PPARA: variants seen among roughly 807,000 people sequenced by gnomAD.
PPARA encodes peroxisome proliferator-activated receptor alpha.
A neutral mutation model predicts 42.2 loss-of-function variants in PPARA; 22 were observed. The observed-to-expected ratio is 0.52, with a 90% CI of 0.37 to 0.74. PPARA has a LOEUF of 0.74. PPARA is among the 30% of genes least tolerant of loss of function. The pLI, the probability that PPARA is intolerant of heterozygous loss-of-function variation, is 0.00. For synonymous variants in PPARA, 242 were observed against 239.3 expected (o/e 1.01, Z -0.10); for missense variants, 465 against 608.2 (o/e 0.76, Z 2.48).
Position 46,224,734 on chromosome 22 carries a change from G to A in PPARA, c.711+4720G>A, listed in dbSNP as rs1411693173. Among the ~76,000 whole-genome samples the A allele has an allele frequency of 6.6e-6, 1 of 151,904 alleles. No individual in the cohort carries two copies. The highest frequency in any genetic ancestry group is 2.4e-5 in the African/African-American group (1 of 41,362). ...GCTGTGTGCTGGGGAAGGCAGGCTC[G>A]CCTCCTCCCTGCAGGGGCTGCTGGG... is the stretch of plus-strand genomic sequence containing the variant. On this transcript the variant is annotated intron_variant, in intron 7 of 8. Transcript: ENST00000407236. The surrounding 1 kb of genome is among the most constrained non-coding windows in gnomAD (Gnocchi z 5.7).
intron 2 of PPARA, chr22:46,164,478 C>T (rs1296777866): frequency 6.6e-6 from 1 of 152,244 alleles, no homozygotes; most frequent in East Asian, 1.9e-4. Flanking sequence ...GTCTTGAACT[C>T]CTGACCTCAG....
In PPARA at chr22:46,160,197, T is replaced by C. The variant is rs1925948757; in HGVS notation, c.-127+8227T>C. On this transcript the variant is annotated intron_variant, in intron 2 of 8. Coordinates refer to ENST00000407236, the MANE Select transcript of PPARA (RefSeq NM_005036.6). The surrounding 1 kb of genome is among the most constrained non-coding windows in gnomAD (Gnocchi z 4.5). ...AAAGCTGTAAGTGGAAGCTTTCAAT[T>C]CAGAGCAGTAGCAATGCCTTCAAAG... Among the ~76,000 whole-genome samples the C allele has an allele frequency of 6.6e-6, 1 of 152,190 alleles. No homozygotes were observed. Among genetic ancestry groups the C allele is most frequent in the Non-Finnish European group, 1.5e-5 (1 of 68,026 alleles).
At chr22:46,208,898 T>G (rs2147486411) in intron 4 of PPARA, among the ~76,000 whole-genome samples, 1 of 146,166 alleles carries the variant, frequency 6.8e-6, no homozygotes, top group African/African-American at 2.6e-5. Flanking sequence ...TGAATAGTAT[T>G]CGTGTGTGTG....
At chr22:46,202,589 T>A (rs909728477) in intron 4 of PPARA, among the ~76,000 whole-genome samples, 3 of 152,010 alleles carry the variant, frequency 2.0e-5, no homozygotes, top group Non-Finnish European at 2.9e-5. Context: ...ATAAAAAAAA[T>A]TAGCTGGGCG....
intron 3 of PPARA, among the ~76,000 whole-genome samples, chr22:46,178,757 A>G (rs1036361885): frequency 5.3e-5 from 8 of 152,190 alleles, no homozygotes; most frequent in Admixed American, 2.6e-4. Context: ...ACGCAGGGCC[A>G]GGAACAGTGC....
intron 2 of PPARA, among the ~76,000 whole-genome samples, chr22:46,174,152 T>TA (rs1928552761): frequency 7.0e-6 from 1 of 142,158 alleles, no homozygotes; most frequent in South Asian, 2.2e-4. Context: ...CACTGCAGCC[T>TA]GGCAACAGAG....
rs10643430 is a variant in PPARA at position 46,242,731 on chromosome 22, G to GCGCGCA, written c.*7352_*7353insGCGCAC. ...AAATACACTGCGTACACGTGTGCGT[G>GCGCGCA]CACACACACACACACACACACACAC... On this transcript the variant is annotated 3_prime_UTR_variant, in exon 9 of 9. Coordinates refer to ENST00000407236, the MANE Select transcript of PPARA (RefSeq NM_005036.6). This position sits in a 1 kb window ranked among gnomAD's most constrained non-coding sequence, Gnocchi z 6.1. 1 of 132,700 alleles carries GCGCGCA rather than the reference G, an allele frequency of 7.5e-6. No individual in the cohort carries two copies. The highest frequency in any genetic ancestry group is 1.8e-5 in the Non-Finnish European group (1 of 56,080). 8.2% of individuals were successfully genotyped at this position (132,700 alleles called of 1,614,324 possible).
At position 46,220,205 on chromosome 22, in the gene PPARA, C is replaced by T. The variant is rs529907285; in HGVS notation, c.711+191C>T. The stretch of plus-strand genomic sequence containing the variant: ...CTTAACAACAACTCCTTTCTTCTTG[C>T]TTGGAGCCACCTCAAAGCTCTTAGC... On this transcript the variant is annotated intron_variant, in intron 7 of 8. Coordinates refer to ENST00000407236, the MANE Select transcript of PPARA (RefSeq NM_005036.6). 6 of 717,004 alleles carry T rather than the reference C, an allele frequency of 8.4e-6. No homozygotes were observed. The South Asian group carries it at 9.6e-5, about 11-fold the overall frequency. 44.4% of individuals were successfully genotyped at this position (717,004 alleles called of 1,614,324 possible). A position where few individuals can be genotyped will look rare whatever the true frequency, so the allele number is the denominator to read the frequency against.
chr22:46,163,776 C>T lies in PPARA; in HGVS notation c.-127+11806C>T, dbSNP rs1201388730. On this transcript the variant is annotated intron_variant, in intron 2 of 8. Coordinates refer to ENST00000407236, the MANE Select transcript of PPARA (RefSeq NM_005036.6). The surrounding 1 kb of genome is among the most constrained non-coding windows in gnomAD (Gnocchi z 4.9). ...AAAGCAGGGCTGGCTCCCTGATGTC[C>T]TTGGAGAAGTCGCCCACACTGCTTT... The T allele has an allele frequency of 2.0e-5, 3 of 152,214 alleles. No homozygotes were observed. The highest frequency in any genetic ancestry group is 4.4e-5 in the Non-Finnish European group (3 of 68,052). The allele number at this position is 152,214 out of a possible 1,614,324, so 9.4% of individuals were successfully genotyped here.
rs1221002475 is a variant in PPARA, at chr22:46,240,698, T to G, written c.*5318T>G. On this transcript the variant is annotated 3_prime_UTR_variant, in exon 9 of 9. Transcript: ENST00000407236. The surrounding 1 kb of genome is among the most constrained non-coding windows in gnomAD (Gnocchi z 6.0). The stretch of plus-strand genomic sequence containing the variant: ...AGGAGGTTTGTCTCAACACTTCCCA[T>G]TTTTACGGCATTGGCATTGCCAAGC... 6.4e-6 allele frequency: 1 copy of G among 155,166 alleles called. No homozygotes were observed. The highest frequency in any genetic ancestry group is 1.4e-5 in the Non-Finnish European group (1 of 70,106). The allele number at this position is 155,166 out of a possible 1,614,324, so 9.6% of individuals were successfully genotyped here.
intron 4 of PPARA, among the ~76,000 whole-genome samples, chr22:46,209,148 A>G (rs1380758799): frequency 6.6e-6 from 1 of 152,164 alleles, no homozygotes; most frequent in Non-Finnish European, 1.5e-5. Flanking sequence ...CTTATTTTGC[A>G]TAATGCTATT....
At position 46,232,045 on chromosome 22, in the gene PPARA, C is replaced by T; in HGVS notation, c.965C>T (p.Ser322Phe). 6.2e-7 allele frequency: 1 copy of T among 1,614,202 alleles called. No homozygotes were observed. Among genetic ancestry groups the T allele is most frequent in the South Asian group, 1.1e-5 (1 of 91,092 alleles). ...GVYEAIFAMLSSVMNKDGMLV... is the reference protein window; with the variant it reads ...GVYEAIFAMLFSVMNKDGMLV... ...TATGAGGCCATATTCGCCATGCTGT[C>T]TTCTGTGATGAACAAAGACGGGATG... The change falls in exon 8 of 9, where the codon TCT (serine) becomes TTT (phenylalanine). Residue 322 changes from serine to phenylalanine, a missense_variant. By Grantham distance (155) the Ser-to-Phe change is radical. Transcript: ENST00000407236. The surrounding 1 kb of genome is among the most constrained non-coding windows in gnomAD (Gnocchi z 5.3).
rs758663875 is a variant in PPARA, at chr22:46,219,273, A to T, written c.509-539A>T. ...ACTTTGATACAGAATCGAAAAACCA[A>T]GTGGAAGGCACCAAAATGACAGAAT... is the stretch of plus-strand genomic sequence containing the variant. On this transcript the variant is annotated intron_variant, in intron 6 of 8. Transcript: ENST00000407236. The surrounding 1 kb of genome is among the most constrained non-coding windows in gnomAD (Gnocchi z 4.8). Among the ~76,000 whole-genome samples, 1 of 152,212 alleles carries T rather than the reference A, an allele frequency of 6.6e-6. No homozygotes were observed. The highest frequency in any genetic ancestry group is 1.5e-5 in the Non-Finnish European group (1 of 68,026).
rs1482101331 is a variant in PPARA, at chr22:46,156,613, T to G, written c.-127+4643T>G. Reference sequence around the variant, plus strand: ...CAAGTGGTTCCTATGTGTTTGTTTTTGTTTTTGAGACAGAGTCTCACTCTG... The same window carrying G: ...CAAGTGGTTCCTATGTGTTTGTTTTGGTTTTTGAGACAGAGTCTCACTCTG... On this transcript the variant is annotated intron_variant, in intron 2 of 8. Coordinates refer to ENST00000407236, the MANE Select transcript of PPARA (RefSeq NM_005036.6). This position sits in a 1 kb window ranked among gnomAD's most constrained non-coding sequence, Gnocchi z 5.2. 2 of 152,228 alleles carry G rather than the reference T, an allele frequency of 1.3e-5. No individual in the cohort carries two copies. The highest frequency in any genetic ancestry group is 2.4e-5 in the African/African-American group (1 of 41,446). The allele number at this position is 152,228 out of a possible 1,614,324, so 9.4% of individuals were successfully genotyped here.
At chr22:46,151,214 C>A (rs537887363) in intron 1 of PPARA, 1 of 152,310 alleles carries the variant, frequency 6.6e-6, no homozygotes, top group East Asian at 1.9e-4. Context: ...GACGGAGACG[C>A]GCGTGTTTGT....
intron 2 of PPARA, among the ~76,000 whole-genome samples, chr22:46,169,766 G>A (rs1344224684): frequency 1.3e-5 from 2 of 151,986 alleles, no homozygotes; most frequent in Non-Finnish European, 2.9e-5. Context: ...CTTAAATATA[G>A]CCCAAATAAA....
rs900194027 is a variant in PPARA at position 46,232,353 on chromosome 22, C to T, written c.1159+114C>T. ...GAGCTGTTCCAGTGGAGGGGACACTCACATGGTGGGAAGACGTCTGACCCC... is the reference window on the plus strand; with the variant it reads ...GAGCTGTTCCAGTGGAGGGGACACTTACATGGTGGGAAGACGTCTGACCCC... On this transcript the variant is annotated intron_variant, in intron 8 of 8. Transcript: ENST00000407236. The surrounding 1 kb of genome is among the most constrained non-coding windows in gnomAD (Gnocchi z 5.3). The T allele has an allele frequency of 2.8e-6, 3 of 1,063,132 alleles. No homozygotes were observed. The African/African-American group carries it at 4.7e-5, about 17-fold the overall frequency. The allele number at this position is 1,063,132 out of a possible 1,614,324, so 65.9% of individuals were successfully genotyped here.
At position 46,182,930 on chromosome 22, in the gene PPARA, A is replaced by T. The variant is rs906920202; in HGVS notation, c.-43+6094A>T. 5.3e-5 allele frequency among the ~76,000 whole-genome samples: 8 copies of T among 152,124 alleles called. No homozygotes were observed. Among genetic ancestry groups the T allele is most frequent in the Admixed American group, 2.6e-4 (4 of 15,274 alleles). ...CAGCTAATTTTTCTATTTTTAGTAA[A>T]GACAGGGTTTCGCCATGATTGCCAG... On this transcript the variant is annotated intron_variant, in intron 3 of 8. Transcript: ENST00000407236. This position sits in a 1 kb window ranked among gnomAD's most constrained non-coding sequence, Gnocchi z 5.2.
In PPARA at chr22:46,219,826, C is replaced by T. The variant is rs764930526; in HGVS notation, c.523C>T (p.Arg175Ter). 1.9e-5 allele frequency: 31 copies of T among 1,614,020 alleles called. No individual in the cohort carries two copies. The highest frequency in any genetic ancestry group is 5.0e-5 in the Admixed American group (3 of 59,992). ...GMSHNAIRFG[R>*]MPRSEKAKLK... ...CCAAACCCTAGCGATTCGTTTTGGA[C>T]GAATGCCAAGATCTGAGAAAGCAAA... The change falls in exon 7 of 9, where the codon CGA (arginine) becomes TGA (stop). Residue 175 changes from arginine to a stop codon, truncating the protein, a stop_gained. Transcript: ENST00000407236. LOFTEE classifies it high-confidence loss of function. The surrounding 1 kb of genome is among the most constrained non-coding windows in gnomAD (Gnocchi z 4.8).
Sources: allele counts gnomAD v4.1 joint callset (sites outside exome capture counted in the v4.1 genomes callset), GRCh38; gene constraint gnomAD v4.1.1; non-coding constraint Gnocchi (gnomAD v3.1); transcripts MANE v1.5; gene names NCBI Gene and HGNC (gene_info 2026-07-23, HGNC 2026-07-21).